Variants in RELCH observed in about 807,000 individuals in gnomAD.
The protein encoded by RELCH is RAB11 binding and LisH domain, coiled-coil and HEAT repeat containing, also known as RAB11-binding protein RELCH.
RELCH carries 41 observed loss-of-function variants against 150.3 expected under a neutral mutation model. The ratio of observed to expected loss-of-function variants is 0.27; its 90% confidence interval spans 0.21 to 0.35. The LOEUF is 0.35. Ranked by LOEUF, RELCH falls within the 10% of genes least tolerant of loss-of-function variation. The pLI is 1.00. For synonymous variants in RELCH, 478 were observed against 531.8 expected (o/e 0.90, Z 1.39); for missense variants, 1,092 against 1,467.8 (o/e 0.74, Z 4.18).
At chr18:62,226,680 TAAAG>T (rs1328981269) in intron 5 of RELCH, among the ~76,000 whole-genome samples, 1 of 152,070 alleles carries the variant, frequency 6.6e-6, no homozygotes, top group East Asian at 1.9e-4. Context: ...TAAAACAAAG[TAAAG>T]AGAGTTTATA....
chr18:62,187,422 GCTGTGTCCC>G lies in RELCH; in HGVS notation c.-80_-72del. ...GGTCAGGCCGGGGCTGTGGAGGTGC[GCTGTGTCCC>G]CTGAGGCCTAGAGGATTCGGGCTGC... On this transcript the variant is annotated 5_prime_UTR_variant, in exon 1 of 29. Transcript: ENST00000644646. The G allele has an allele frequency of 7.4e-7, 1 of 1,342,816 alleles. No homozygotes were observed. The highest frequency in any genetic ancestry group is 2.6e-5 in the East Asian group (1 of 38,904). 83.2% of individuals were successfully genotyped at this position (1,342,816 alleles called of 1,614,324 possible). A position where few individuals can be genotyped will look rare whatever the true frequency, so the allele number is the denominator to read the frequency against.
intron 10 of RELCH, among the ~76,000 whole-genome samples, chr18:62,234,339 G>A (rs1368463748): frequency 6.6e-6 from 1 of 150,422 alleles, no homozygotes; most frequent in East Asian, 1.9e-4. Context: ...TTTATTTGAG[G>A]CAGGTTCTCA....
At position 62,264,071 on chromosome 18, in the gene RELCH, G is replaced by A. The variant is rs751524429; in HGVS notation, c.2433G>A (p.Leu811=). ...GTCGTGAGCAATTGGCAGTGCTGCT[G>A]CAACTTTATGACTACCAGCTAGAAC... ...IGSREQLAVL[L]QLYDYQLEQE... is the part of the protein sequence containing the mutation. Residue 811 remains leucine (L), a synonymous_variant, in exon 17 of 29, where the codon CTG becomes CTA. Transcript: ENST00000644646. The A allele has an allele frequency of 3.1e-6, 5 of 1,606,018 alleles. No homozygotes were observed. The highest frequency in any genetic ancestry group is 1.1e-5 in the South Asian group (1 of 89,770).
At chr18:62,193,409 G>A in intron 1 of RELCH, among the ~76,000 whole-genome samples, 1 of 152,144 alleles carries the variant, frequency 6.6e-6, no homozygotes, top group East Asian at 1.9e-4. Context: ...TGTTGAATAG[G>A]AGTGGGGAGA....
chr18:62,271,231 T>C (rs371172596), intron 20 of RELCH, among the ~76,000 whole-genome samples: 1 of 152,128 alleles, frequency 6.6e-6, no homozygotes, highest in South Asian at 2.1e-4. Flanking sequence ...GTTCCTATTT[T>C]TCCACATCCT....
chr18:62,290,642 C>T (rs943654340), intron 26 of RELCH, among the ~76,000 whole-genome samples: 2 of 152,228 alleles, frequency 1.3e-5, no homozygotes, highest in South Asian at 2.1e-4. Context: ...TCAGAATTGA[C>T]GGGAATGAAC....
intron 1 of RELCH, among the ~76,000 whole-genome samples, chr18:62,197,149 C>T (rs2039104543): frequency 6.6e-6 from 1 of 152,126 alleles, no homozygotes; most frequent in African/African-American, 2.4e-5. Flanking sequence ...CATGACACTC[C>T]CTGCTTACCA....
rs763547987 is a variant in RELCH at position 62,264,743 on chromosome 18, T to G, written c.2522T>G (p.Ile841Arg). The change falls in exon 18 of 29, where the codon ATA (isoleucine) becomes AGA (arginine). Residue 841 changes from isoleucine to arginine, a missense_variant. Physicochemically the swap from Ile to Arg is moderately conservative, Grantham distance 97. Around this residue, in one of 4 missense-constraint regions of RELCH, gnomAD observed 707 missense variants for 1,025.4 expected, o/e 0.69. Coordinates refer to ENST00000644646, the MANE Select transcript of RELCH (RefSeq NM_001346231.2). ...TTCATATTCAGGTTGCCACAACTTA[T>G]AGAAATAGTTGGCAAAATTAATGTT... ...WVVNQLLPQL[I>R]EIVGKINVTS... The G allele has an allele frequency of 6.3e-7, 1 of 1,595,444 alleles. No individual in the cohort carries two copies. Among genetic ancestry groups the G allele is most frequent in the Admixed American group, 1.7e-5 (1 of 58,346 alleles).
At chr18:62,224,324 C>T (rs1483423388) in intron 5 of RELCH, among the ~76,000 whole-genome samples, 1 of 151,256 alleles carries the variant, frequency 6.6e-6, no homozygotes, top group Non-Finnish European at 1.5e-5. Flanking sequence ...TGCATAGTAT[C>T]CCACACTAAC....
Position 62,187,653 on chromosome 18 carries a change from G to T in RELCH, c.148G>T (p.Gly50Cys). ...RLGAGSGLDP[G>C]SAGSLSPQDP... ...GGGCGCCGGAAGTGGCCTAGATCCT[G>T]GCTCTGCGGGCTCGCTGTCGCCACA... Residue 50 changes from glycine (G) to cysteine (C), a missense_variant, in exon 1 of 29, where the codon GGC (glycine) becomes TGC (cysteine). Gly to Cys is a radical substitution (Grantham distance 159). This residue lies in a region of RELCH where 138 missense variants were observed against 124.8 expected (regional missense o/e 1.11). Coordinates refer to ENST00000644646, the MANE Select transcript of RELCH (RefSeq NM_001346231.2). The T allele has an allele frequency of 3.2e-6, 5 of 1,558,344 alleles. No homozygotes were observed. Among genetic ancestry groups the T allele is most frequent in the Non-Finnish European group, 4.4e-6 (5 of 1,149,392 alleles).
At chr18:62,280,379 G>A in intron 23 of RELCH, 1 of 1,613,986 alleles carries the variant, frequency 6.2e-7, no homozygotes, top group Non-Finnish European at 8.5e-7. Context: ...CGAGGCATGA[G>A]TGAAGCGTTA....
At chr18:62,269,373 G>A in intron 20 of RELCH, 3 of 422,424 alleles carry the variant, frequency 7.1e-6, no homozygotes, top group South Asian at 3.5e-5. Flanking sequence ...AAATGCTTAG[G>A]ATGAAAGTGT....
intron 1 of RELCH, among the ~76,000 whole-genome samples, chr18:62,209,123 T>C (rs2039998712): frequency 1.3e-5 from 2 of 152,206 alleles, no homozygotes; most frequent in Non-Finnish European, 2.9e-5. Flanking sequence ...TAAAGTAACA[T>C]ATTCACACAT....
intron 10 of RELCH, 37 bp downstream of exon 10, chr18:62,232,464 C>T: frequency 8.2e-7 from 1 of 1,218,096 alleles, no homozygotes; most frequent in Non-Finnish European, 1.2e-6. Context: ...CCAGTAATCC[C>T]ATCATGTTGT....
At chr18:62,231,854 T>C (rs1298537985) in intron 9 of RELCH, among the ~76,000 whole-genome samples, 2 of 152,030 alleles carry the variant, frequency 1.3e-5, no homozygotes, top group Non-Finnish European at 2.9e-5. Context: ...CAGAGCTAGA[T>C]AGAGGATGGT....
At chr18:62,298,955 C>T (rs994018122) in intron 28 of RELCH, 95 bp downstream of exon 28, 3 of 662,156 alleles carry the variant, frequency 4.5e-6, no homozygotes, top group South Asian at 1.9e-5. Context: ...TTTTGTGTTA[C>T]GTTATAGTCC....
intron 19 of RELCH, among the ~76,000 whole-genome samples, chr18:62,267,482 A>ATG (rs1443159196): frequency 1.7e-4 from 15 of 89,208 alleles, no homozygotes; most frequent in African/African-American, 5.7e-4. Flanking sequence ...GTCTAGGTAT[A>ATG]TATGTGTGTG....
intron 25 of RELCH, chr18:62,284,168 T>G (rs2144981467): frequency 6.6e-6 from 1 of 152,358 alleles, no homozygotes; most frequent in Non-Finnish European, 1.5e-5. Context: ...AAACATAGTG[T>G]CAATATCTTA....
At chr18:62,276,754 T>C (rs1236057802) in intron 22 of RELCH, among the ~76,000 whole-genome samples, 1 of 152,098 alleles carries the variant, frequency 6.6e-6, no homozygotes, top group Non-Finnish European at 1.5e-5. Flanking sequence ...AAGTTGAAAA[T>C]TCTCCATCCA....
Sources: gnomAD v4.1 joint callset for allele counts (sites outside exome capture counted in the v4.1 genomes callset) on GRCh38, gnomAD v4.1.1 for gene constraint, gnomAD v4.1.1 regional missense constraint, MANE v1.5 for transcripts, NCBI Gene and HGNC (gene_info 2026-07-23, HGNC 2026-07-21) for gene names.